The following RAB3C variants were observed in gnomAD, a reference collection of about 807,000 sequenced individuals.
RAB3C encodes the protein RAB3C, member RAS oncogene family.
In RAB3C, 17 loss-of-function variants were observed where a neutral mutation model predicts 26.4. That is an observed-to-expected ratio of 0.64 (90% CI 0.44 to 0.97). The LOEUF (loss-of-function observed/expected upper bound fraction) is 0.97, where lower values mean the gene tolerates loss of function less well. Ranked by LOEUF, RAB3C falls within the 50% of genes least tolerant of loss-of-function variation. The pLI is 0.00. For missense variants in RAB3C, 242 were observed against 281.9 expected (o/e 0.86, Z 1.01); for synonymous variants, 91 against 95.9 (o/e 0.95, Z 0.30).
intron 3 of RAB3C, among the ~76,000 whole-genome samples, chr5:58,733,673 C>G (rs1490473115): frequency 1.3e-5 from 2 of 152,130 alleles, no homozygotes; most frequent in Non-Finnish European, 2.9e-5. Context: ...CCTAAATAGG[C>G]TTAAGTAAGT....
chr5:58,770,989 T>A (rs900084845), intron 3 of RAB3C, among the ~76,000 whole-genome samples: 16 of 152,178 alleles, frequency 1.1e-4, no homozygotes, highest in African/African-American at 3.4e-4. Context: ...ATACTTCAAG[T>A]GTTTCAGAAA....
At chr5:58,650,655 A>T (rs1747624196) in intron 2 of RAB3C, among the ~76,000 whole-genome samples, 1 of 152,156 alleles carries the variant, frequency 6.6e-6, no homozygotes, top group South Asian at 2.1e-4. Flanking sequence ...TATACTAAGG[A>T]AACTACTCCT....
intron 1 of RAB3C, among the ~76,000 whole-genome samples, chr5:58,592,407 A>C (rs148347727): frequency 0.013 from 1,909 of 152,302 alleles, 14 homozygotes; most frequent in Middle Eastern, 0.024. Flanking sequence ...TATTTGTTAT[A>C]AATCTCCAAT....
chr5:58,647,255 T>C (rs1747539719), intron 2 of RAB3C, among the ~76,000 whole-genome samples: 1 of 152,222 alleles, frequency 6.6e-6, no homozygotes, highest in African/African-American at 2.4e-5. Flanking sequence ...GAAAAAGGTT[T>C]AATTGTCTCA....
At chr5:58,590,501 A>G (rs1222754279) in intron 1 of RAB3C, among the ~76,000 whole-genome samples, 4 of 151,932 alleles carry the variant, frequency 2.6e-5, no homozygotes, top group Admixed American at 2.0e-4. Flanking sequence ...GCTTTTCTTT[A>G]TTTAGATTCT....
intron 2 of RAB3C, among the ~76,000 whole-genome samples, chr5:58,715,149 T>C (rs1053615302): frequency 8.6e-5 from 13 of 152,010 alleles, no homozygotes; most frequent in Admixed American, 6.6e-4. Context: ...CTTCTAATAC[T>C]ATATGATCTA....
chr5:58,847,309 C>T (rs1744026602), intron 4 of RAB3C, among the ~76,000 whole-genome samples: 1 of 152,144 alleles, frequency 6.6e-6, no homozygotes, highest in Non-Finnish European at 1.5e-5. Flanking sequence ...TGCTGTGTGA[C>T]TTTGGGCTAC....
chr5:58,679,526 A>C (rs908879617), intron 2 of RAB3C, among the ~76,000 whole-genome samples: 1 of 152,174 alleles, frequency 6.6e-6, no homozygotes, highest in African/African-American at 2.4e-5. Flanking sequence ...CTGTAGATCA[A>C]GGGCCTTCAC....
At chr5:58,766,375 C>G (rs1741906469) in intron 3 of RAB3C, among the ~76,000 whole-genome samples, 2 of 152,192 alleles carry the variant, frequency 1.3e-5, no homozygotes, top group South Asian at 4.1e-4. Context: ...CTCGGCCCCC[C>G]AAAGTGCTGG....
chr5:58,612,518 GTGTA>G (rs1363028147), intron 1 of RAB3C, among the ~76,000 whole-genome samples: 38 of 40,570 alleles, frequency 9.4e-4, no homozygotes, highest in Non-Finnish European at 1.5e-3. Flanking sequence ...GTGTGTGTGT[GTGTA>G]TATATATATA....
chr5:58,760,343 C>T (rs1312482760), intron 3 of RAB3C, among the ~76,000 whole-genome samples: 1 of 152,142 alleles, frequency 6.6e-6, no homozygotes, highest in Non-Finnish European at 1.5e-5. Flanking sequence ...AAGTTAGATG[C>T]CTGCATTCAT....
At chr5:58,606,532 A>T (rs1478525780) in intron 1 of RAB3C, among the ~76,000 whole-genome samples, 1 of 152,180 alleles carries the variant, frequency 6.6e-6, no homozygotes, top group Non-Finnish European at 1.5e-5. Flanking sequence ...AGCTCTGAAG[A>T]GAGCAGTGGT....
At chr5:58,730,524 C>A (rs1740991157) in intron 3 of RAB3C, among the ~76,000 whole-genome samples, 1 of 151,986 alleles carries the variant, frequency 6.6e-6, no homozygotes, top group Admixed American at 6.6e-5. Context: ...CTTTAAATTA[C>A]TGGTCTCCAA....
At chr5:58,705,214 A>T (rs993327360) in intron 2 of RAB3C, among the ~76,000 whole-genome samples, 4 of 152,188 alleles carry the variant, frequency 2.6e-5, no homozygotes, top group African/African-American at 9.6e-5. Flanking sequence ...TAGAATAAAC[A>T]ACTAGTAGAA....
Position 58,586,509 on chromosome 5 carries a change from A to T in RAB3C, c.24+3277A>T, listed in dbSNP as rs541656201. On this transcript the variant is annotated intron_variant, in intron 1 of 4. Coordinates refer to ENST00000282878, the MANE Select transcript of RAB3C (RefSeq NM_138453.4). Reference sequence around the variant, plus strand: ...TTGCATAAACTAAACAGAATATTTGAAAAGGGGCAATGTTTTAAAAATGGT... The same window carrying T: ...TTGCATAAACTAAACAGAATATTTGTAAAGGGGCAATGTTTTAAAAATGGT... Among the ~76,000 whole-genome samples the T allele has an allele frequency of 5.9e-5, 9 of 152,252 alleles. No individual in the cohort carries two copies. In the South Asian group the frequency reaches 1.9e-3, roughly 32 times the overall value.
At chr5:58,730,884 T>A (rs909157968) in intron 3 of RAB3C, among the ~76,000 whole-genome samples, 1 of 152,154 alleles carries the variant, frequency 6.6e-6, no homozygotes, top group Non-Finnish European at 1.5e-5. Flanking sequence ...CAGTTCCACA[T>A]GGCCAGGGAG....
chr5:58,697,870 A>G (rs1331524633), intron 2 of RAB3C, among the ~76,000 whole-genome samples: 1 of 152,062 alleles, frequency 6.6e-6, no homozygotes, highest in Non-Finnish European at 1.5e-5. Context: ...TCTTGACTCT[A>G]TACAATTTGC....
chr5:58,732,501 AT>A (rs1165897512), intron 3 of RAB3C, among the ~76,000 whole-genome samples: 19 of 152,022 alleles, frequency 1.2e-4, no homozygotes, highest in Admixed American at 3.9e-4. Context: ...CTTTAGACTC[AT>A]TTTTTTCTTT....
chr5:58,829,555 T>A (rs1743567768), intron 4 of RAB3C, among the ~76,000 whole-genome samples: 2 of 152,164 alleles, frequency 1.3e-5, no homozygotes, highest in Admixed American at 6.5e-5. Flanking sequence ...AAAAATGTAG[T>A]CAGAGAACCA....
Sources: allele counts gnomAD v4.1 joint callset (sites outside exome capture counted in the v4.1 genomes callset), GRCh38; gene constraint gnomAD v4.1.1; transcripts MANE v1.5; gene names NCBI Gene and HGNC (gene_info 2026-07-23, HGNC 2026-07-21).